SF3B6: variants seen among roughly 807,000 people sequenced by gnomAD.
The protein encoded by SF3B6 is splicing factor 3b subunit 6.
Under a neutral mutation model 15.9 loss-of-function variants are expected in SF3B6, and 3 were observed. The ratio of observed to expected loss-of-function variants is 0.19; its 90% CI spans 0.09 to 0.49. The LOEUF is 0.49. SF3B6 is among the 20% of genes least tolerant of loss of function. SF3B6 has a pLI of 0.97. For synonymous variants in SF3B6, 49 were observed against 51.1 expected (o/e 0.96, Z 0.18); for missense variants, 71 against 154.3 (o/e 0.46, Z 2.86).
rs764151597 is a variant in SF3B6, at chr2:24,068,378, T to C, written c.231A>G (p.Leu77=). ...IFDAKNACDH[L]SGFNVCNRYL... ...ATCTGTTACAAACATTGAATCCCGA[T>C]AGGTGATCACATGCATTCTTGGCAT... The change falls in exon 3 of 4, where the codon CTA becomes CTG. Residue 77 remains leucine, a synonymous_variant. Transcript: ENST00000233468. 6.2e-7 allele frequency: 1 copy of C among 1,614,162 alleles called. No homozygotes were observed. The highest frequency in any genetic ancestry group is 8.5e-7 in the Non-Finnish European group (1 of 1,179,986).
In SF3B6 at chr2:24,067,849, T is replaced by A. The variant is rs779114858; in HGVS notation, c.291A>T (p.Ala97=). 1 of 1,613,792 alleles carries A rather than the reference T, an allele frequency of 6.2e-7. No homozygotes were observed. Among genetic ancestry groups the A allele is most frequent in the Admixed American group, 1.7e-5 (1 of 59,978 alleles). ...LVVLYYNANR[A]FQKMDTKKKE... is the part of the protein sequence containing the mutation. ...TCTTCTTTGTGTCCATCTTCTGAAA[T>A]GCCTGGAAATGTGGTAAGCACCAAA... The change falls in exon 4 of 4, where the codon GCA becomes GCT. Residue 97 remains alanine, a splice_region_variant and synonymous_variant. Coordinates refer to ENST00000233468, the MANE Select transcript of SF3B6 (RefSeq NM_016047.4).
At chr2:24,072,273 A>G (rs953710980) in intron 2 of SF3B6, among the ~76,000 whole-genome samples, 6 of 152,310 alleles carry the variant, frequency 3.9e-5, no homozygotes, top group African/African-American at 1.2e-4. Flanking sequence ...GGTGTGAGCC[A>G]CCACATCTGG....
Position 24,067,780 on chromosome 2 carries a change from G to A in SF3B6, c.360C>T (p.Asn120=), listed in dbSNP as rs76354260. 658 of 1,613,828 alleles carry A rather than the reference G, an allele frequency of 4.1e-4. 1 individual carries two copies. In the African/African-American group the frequency reaches 7.7e-3, roughly 19 times the overall value. ...AAAACATTTATTTTGGTGGATCTGT[G>A]TTGATGCCATATTTCTCCTTGAGAA... The part of the protein sequence containing the change: ...LKLLKEKYGI[N]TDPPK The change falls in exon 4 of 4, where the codon AAC becomes AAT. Residue 120 remains asparagine (N), a synonymous_variant. Coordinates refer to ENST00000233468, the MANE Select transcript of SF3B6 (RefSeq NM_016047.4).
intron 2 of SF3B6, among the ~76,000 whole-genome samples, chr2:24,069,607 A>G (rs752980780): frequency 5.9e-5 from 9 of 152,110 alleles, no homozygotes; most frequent in Admixed American, 1.3e-4. Context: ...CAGTCCTTAC[A>G]TAGGGTTGAA....
intron 1 of SF3B6, among the ~76,000 whole-genome samples, chr2:24,074,440 T>C (rs922704762): frequency 4.6e-5 from 7 of 152,082 alleles, no homozygotes; most frequent in African/African-American, 1.7e-4. Context: ...GGAGGATCAC[T>C]TGAGCCCAGG....
At chr2:24,072,029 C>A (rs1297016428) in intron 2 of SF3B6, among the ~76,000 whole-genome samples, 1 of 152,216 alleles carries the variant, frequency 6.6e-6, no homozygotes. Context: ...GTCGCCCAGA[C>A]TGGAGTGCAG....
At chr2:24,074,262 CTA>C in intron 1 of SF3B6, 68 bp from the exon 2 acceptor site, 3 of 761,672 alleles carry the variant, frequency 3.9e-6, no homozygotes, top group Non-Finnish European at 4.3e-6. Context: ...TTAAATGCCC[CTA>C]TAATTAGGGG....
chr2:24,070,734 GT>G (rs1225532183), intron 2 of SF3B6, among the ~76,000 whole-genome samples: 1 of 152,168 alleles, frequency 6.6e-6, no homozygotes. Flanking sequence ...GGGAAGGTTG[GT>G]CACCCTAGTG....
chr2:24,076,125 G>T, intron 1 of SF3B6, 75 bp downstream of exon 1: 1 of 1,564,164 alleles, frequency 6.4e-7, no homozygotes. Context: ...GGAGGAGCAA[G>T]AATGCTCCGA....
intron 2 of SF3B6, 33 bp from the exon 3 acceptor site, chr2:24,068,492 A>G: frequency 6.4e-7 from 1 of 1,567,896 alleles, no homozygotes; most frequent in Non-Finnish European, 8.7e-7. Context: ...ATTAAGATAT[A>G]CATTTACCTG....
In SF3B6 at chr2:24,068,463, G is replaced by C. The variant is rs1664599268; in HGVS notation, c.150-4C>G. 1 of 1,605,166 alleles carries C rather than the reference G, an allele frequency of 6.2e-7. No individual in the cohort carries two copies. The highest frequency in any genetic ancestry group is 8.5e-7 in the Non-Finnish European group (1 of 1,176,356). On this transcript the variant is annotated splice_polypyrimidine_tract_variant and splice_region_variant and intron_variant, in intron 2 of 3. Coordinates refer to ENST00000233468, the MANE Select transcript of SF3B6 (RefSeq NM_016047.4). ...TCTAGTTTCAGGTGTGTTCCCCCTG[G>C]AGAGGTAAGTTAAACTTAATTAAGA...
intron 2 of SF3B6, among the ~76,000 whole-genome samples, chr2:24,073,354 G>A (rs758091619): frequency 6.6e-6 from 1 of 152,216 alleles, no homozygotes; most frequent in African/African-American, 2.4e-5. Flanking sequence ...ATGGTACTGT[G>A]TAATGTAGAG....
At chr2:24,070,792 A>G (rs1203000243) in intron 2 of SF3B6, among the ~76,000 whole-genome samples, 2 of 152,186 alleles carry the variant, frequency 1.3e-5, no homozygotes, top group Non-Finnish European at 2.9e-5. Context: ...AATGGAACAG[A>G]AAAACAGCTG....
At chr2:24,069,718 T>C (rs1363157168) in intron 2 of SF3B6, among the ~76,000 whole-genome samples, 1 of 152,058 alleles carries the variant, frequency 6.6e-6, no homozygotes, top group Admixed American at 6.5e-5. Flanking sequence ...TCCTGTAAAA[T>C]TGAAAAGGAA....
At chr2:24,075,341 CTTT>C (rs1664719197) in intron 1 of SF3B6, among the ~76,000 whole-genome samples, 1 of 85,540 alleles carries the variant, frequency 1.2e-5, no homozygotes, top group Non-Finnish European at 2.8e-5. Context: ...TCTTTTCTTT[CTTT>C]CTTTCTTTCT....
intron 1 of SF3B6, among the ~76,000 whole-genome samples, chr2:24,075,718 T>C (rs893170401): frequency 5.9e-5 from 9 of 151,934 alleles, no homozygotes; most frequent in Non-Finnish European, 1.2e-4. Flanking sequence ...TCAATAAATA[T>C]AATTGATGAA....
chr2:24,067,911 A>G, intron 3 of SF3B6, 60 bp from the exon 4 acceptor site: 1 of 1,423,744 alleles, frequency 7.0e-7, no homozygotes, highest in Non-Finnish European at 9.9e-7. Flanking sequence ...GAATTTCATC[A>G]ATAGCATTAG....
At chr2:24,074,014 G>T (rs1452752853) in intron 2 of SF3B6, 62 bp downstream of exon 2, 2 of 1,080,088 alleles carry the variant, frequency 1.9e-6, no homozygotes, top group Non-Finnish European at 1.4e-6. Flanking sequence ...CTCATCGTCA[G>T]CTATAATTCT....
At chr2:24,072,966 G>A (rs760026838) in intron 2 of SF3B6, among the ~76,000 whole-genome samples, 14 of 152,230 alleles carry the variant, frequency 9.2e-5, no homozygotes, top group Non-Finnish European at 1.9e-4. Flanking sequence ...TGCAACATGA[G>A]TGTATTCTTC....
Sources: gnomAD v4.1 joint callset for allele counts (sites outside exome capture counted in the v4.1 genomes callset) on GRCh38, gnomAD v4.1.1 for gene constraint, MANE v1.5 for transcripts, NCBI Gene and HGNC (gene_info 2026-07-23, HGNC 2026-07-21) for gene names.